ATR: variants seen among roughly 807,000 people sequenced by gnomAD.
The protein encoded by ATR is ATR checkpoint kinase, also known as serine/threonine-protein kinase ATR.
Under a neutral mutation model 305.3 loss-of-function variants are expected in ATR, and 142 were observed. The observed-to-expected ratio is 0.47, with a 90% CI of 0.41 to 0.53. ATR has a LOEUF of 0.53. ATR is among the 20% of genes least tolerant of loss of function. ATR has a pLI of 0.00. For synonymous variants in ATR, 1,050 were observed against 1,068.1 expected, an observed-to-expected ratio of 0.98 and a Z score of 0.33; for missense variants, 2,135 against 3,133.1, an observed-to-expected ratio of 0.68 and a Z score of 7.60.
At chr3:142,513,150 G>C (rs77657126) in intron 26 of ATR, among the ~76,000 whole-genome samples, 6,329 of 152,172 alleles carry the variant, frequency 0.042, 434 homozygotes, top group African/African-American at 0.14. Context: ...CATGACATTA[G>C]ATGAGGCATC....
intron 38 of ATR, among the ~76,000 whole-genome samples, chr3:142,468,943 A>G (rs1270903524): frequency 6.6e-6 from 1 of 152,176 alleles, no homozygotes; most frequent in African/African-American, 2.4e-5. Flanking sequence ...CTGAGCTATG[A>G]TCCCACCACT....
At chr3:142,533,893 T>C (rs1393691480) in intron 21 of ATR, among the ~76,000 whole-genome samples, 3 of 152,174 alleles carry the variant, frequency 2.0e-5, no homozygotes. Context: ...ATTTATCTTC[T>C]GTGATCCAGG....
chr3:142,577,412 T>C (rs901631512), intron 1 of ATR, among the ~76,000 whole-genome samples: 2 of 152,222 alleles, frequency 1.3e-5, no homozygotes, highest in Non-Finnish European at 2.9e-5. Context: ...GTAAACCAAC[T>C]TCCTACAATG....
intron 45 of ATR, among the ~76,000 whole-genome samples, chr3:142,456,753 T>C (rs1183999085): frequency 1.3e-5 from 2 of 152,114 alleles, no homozygotes; most frequent in Non-Finnish European, 2.9e-5. Context: ...ATCCCTAGAA[T>C]GGCTAAAATA....
chr3:142,499,206 A>G (rs1409065902), intron 31 of ATR: 1 of 359,380 alleles, frequency 2.8e-6, no homozygotes, highest in Non-Finnish European at 5.4e-6. Flanking sequence ...TTGAACAACT[A>G]AACAAGGCAA....
chr3:142,537,656 T>C (rs1257458751), intron 19 of ATR, among the ~76,000 whole-genome samples: 1 of 152,152 alleles, frequency 6.6e-6, no homozygotes, highest in Non-Finnish European at 1.5e-5. Context: ...AGCAATAGCA[T>C]ATGGGTGAGT....
chr3:142,515,617 G>A (rs1452616371), intron 24 of ATR, 102 bp from the exon 25 acceptor site: 3 of 1,255,354 alleles, frequency 2.4e-6, no homozygotes, highest in African/African-American at 3.0e-5. Context: ...GTACTGCCTT[G>A]CCTTTACTGC....
intron 34 of ATR, among the ~76,000 whole-genome samples, chr3:142,493,850 G>T: frequency 6.6e-6 from 1 of 151,024 alleles, no homozygotes; most frequent in Non-Finnish European, 1.5e-5. Flanking sequence ...CTGGGTGACA[G>T]AGCAAGATCC....
intron 13 of ATR, 55 bp from the exon 14 acceptor site, chr3:142,550,357 A>G: frequency 6.4e-7 from 1 of 1,560,396 alleles, no homozygotes; most frequent in Non-Finnish European, 8.8e-7. Context: ...AATTTTAACT[A>G]ATACTTTTTA....
intron 39 of ATR, among the ~76,000 whole-genome samples, chr3:142,467,317 A>G (rs1214902387): frequency 6.6e-6 from 1 of 152,126 alleles, no homozygotes; most frequent in African/African-American, 2.4e-5. Context: ...TCCTGTAACC[A>G]TGTTCCTACT....
chr3:142,476,495 A>G (rs1258365737), intron 36 of ATR, among the ~76,000 whole-genome samples: 1 of 152,174 alleles, frequency 6.6e-6, no homozygotes, highest in Non-Finnish European at 1.5e-5. Context: ...TGGTTACTGT[A>G]GCCTTGTAGT....
intron 35 of ATR, among the ~76,000 whole-genome samples, chr3:142,487,125 C>A (rs1559930481): frequency 6.6e-6 from 1 of 152,034 alleles, no homozygotes; most frequent in African/African-American, 2.4e-5. Flanking sequence ...GAGCGAGACA[C>A]CATCTCCAAA....
intron 21 of ATR, among the ~76,000 whole-genome samples, chr3:142,533,496 A>C (rs1320461751): frequency 6.6e-6 from 1 of 152,198 alleles, no homozygotes; most frequent in African/African-American, 2.4e-5. Context: ...ATTGTATTCA[A>C]CTTTAATGCT....
rs866237669 is a variant in ATR, at chr3:142,493,255, A to G, written c.5955T>C (p.Pro1985=). ...VLQKGVELCF[P]ENETPPEGKN... ...TACCCTCAGGTGGGGTTTCATTTTC[A>G]GGAAAACATAATTCAACACCTTTTT... Residue 1985 remains proline, a synonymous_variant, in exon 35 of 47, where the codon CCT becomes CCC. Coordinates refer to ENST00000350721, the MANE Select transcript of ATR (RefSeq NM_001184.4). The G allele has an allele frequency of 8.1e-6, 13 of 1,613,836 alleles. No homozygotes were observed. The Middle Eastern group carries it at 2.1e-3, about 266-fold the overall frequency.
chr3:142,550,762 T>G (rs1234934310), intron 13 of ATR, among the ~76,000 whole-genome samples: 2 of 152,110 alleles, frequency 1.3e-5, no homozygotes, highest in Non-Finnish European at 2.9e-5. Flanking sequence ...GTAAATAAAC[T>G]ATAAACAAAA....
rs758693664 is a variant in ATR, at chr3:142,558,706, G to C, written c.1803C>G (p.Ser601=). 27 of 1,612,312 alleles carry C rather than the reference G, an allele frequency of 1.7e-5. No individual in the cohort carries two copies. The Admixed American group carries it at 1.8e-4, about 11-fold the overall frequency. ...CGMLSLPWIY[S]HSDDGCLKLT... is the part of the protein sequence containing the mutation. ...ACTTTAAACAGCCATCATCAGAATG[G>C]GAATAAATCCATGGAAGTGAGAGCA... The change falls in exon 8 of 47, where the codon TCC becomes TCG. Residue 601 remains serine, a synonymous_variant. Coordinates refer to ENST00000350721, the MANE Select transcript of ATR (RefSeq NM_001184.4).
rs1352675652 is a variant in ATR at position 142,558,782 on chromosome 3, GA to G, written c.1733-7del. The G allele has an allele frequency of 6.2e-7, 1 of 1,601,460 alleles. No individual in the cohort carries two copies. Among genetic ancestry groups the G allele is most frequent in the Non-Finnish European group, 8.5e-7 (1 of 1,171,138 alleles). On this transcript the variant is annotated splice_region_variant and splice_polypyrimidine_tract_variant and intron_variant, in intron 7 of 46. Coordinates refer to ENST00000350721, the MANE Select transcript of ATR (RefSeq NM_001184.4). ...ATCTTCAAATGAACTGTTTACTACA[GA>G]AGCACAAAATAAGTCATTAATTATA...
At chr3:142,451,516 G>C (rs1380684694) in intron 46 of ATR, 3 of 1,420,392 alleles carry the variant, frequency 2.1e-6, no homozygotes, top group Non-Finnish European at 2.8e-6. Flanking sequence ...CATAGAAACA[G>C]AAAGAGAACA....
At chr3:142,457,878 T>A in intron 44 of ATR, 123 bp from the exon 45 acceptor site, 2 of 1,119,798 alleles carry the variant, frequency 1.8e-6, no homozygotes, top group Non-Finnish European at 2.6e-6. Context: ...ATTTATGTTG[T>A]AATTACTTTA....
Sources: gnomAD v4.1 joint callset for allele counts (sites outside exome capture counted in the v4.1 genomes callset) on GRCh38, gnomAD v4.1.1 for gene constraint, MANE v1.5 for transcripts, NCBI Gene and HGNC (gene_info 2026-07-23, HGNC 2026-07-21) for gene names.